Variants in ZNF831 observed in about 807,000 individuals in gnomAD.
The protein encoded by ZNF831 is chromosome 20 open reading frame 174.
A neutral mutation model predicts 95.8 loss-of-function variants in ZNF831; 59 were observed. That is an observed-to-expected ratio of 0.62 (90% confidence interval 0.50 to 0.77). ZNF831 has a LOEUF of 0.77. Among genes scored for constraint, ZNF831 ranks in the 30% least tolerant of loss-of-function variants. ZNF831 has a pLI of 0.00. For missense variants in ZNF831, 2,205 were observed against 2,164.0 expected, an observed-to-expected ratio of 1.02 and a Z score of -0.38; for synonymous variants, 961 against 925.5, an observed-to-expected ratio of 1.04 and a Z score of -0.70.
intron 4 of ZNF831, among the ~76,000 whole-genome samples, chr20:59,221,475 C>T (rs1311589143): frequency 6.6e-6 from 1 of 152,218 alleles, no homozygotes; most frequent in Non-Finnish European, 1.5e-5. Context: ...CCTCACCCCA[C>T]TGCTGGCTGC....
chr20:59,137,872 C>A (rs1013588078), intron 1 of ZNF831, among the ~76,000 whole-genome samples: 8 of 152,152 alleles, frequency 5.3e-5, no homozygotes, highest in African/African-American at 1.9e-4. Context: ...CTGCACCCAC[C>A]CCCCAATTCC....
chr20:59,217,668 C>T lies in ZNF831; in HGVS notation c.4027+10612C>T, dbSNP rs1002222791. 2.0e-5 allele frequency among the ~76,000 whole-genome samples: 3 copies of T among 152,154 alleles called. No individual in the cohort carries two copies. Among genetic ancestry groups the T allele is most frequent in the African/African-American group, 7.2e-5 (3 of 41,442 alleles). Reference sequence around the variant, plus strand: ...ATGCCTGTGGATGGGAGGGCCTTTCCAGCCCTCCTTGATTCTCACTAGGGG... The same window carrying T: ...ATGCCTGTGGATGGGAGGGCCTTTCTAGCCCTCCTTGATTCTCACTAGGGG... On this transcript the variant is annotated intron_variant, in intron 4 of 5. Coordinates refer to ENST00000371030, the MANE Select transcript of ZNF831 (RefSeq NM_178457.3). This position sits in a 1 kb window ranked among gnomAD's most constrained non-coding sequence, Gnocchi z 4.4.
At position 59,187,166 on chromosome 20, in the gene ZNF831, A is replaced by G. The variant is rs544398644; in HGVS notation, c.-36-3818A>G. 2.6e-5 allele frequency among the ~76,000 whole-genome samples: 4 copies of G among 152,260 alleles called. No individual in the cohort carries two copies. In the South Asian group the frequency reaches 8.3e-4, roughly 32 times the overall value. On this transcript the variant is annotated intron_variant, in intron 1 of 5. Transcript: ENST00000371030. ...GAATGGAAGATGCCATAGAATCCTT[A>G]GCAGTGGTGAGCTCTGAGTATGTAG... is the stretch of plus-strand genomic sequence containing the variant.
At chr20:59,161,882 A>G (rs1453880784), upstream of ZNF831, among the ~76,000 whole-genome samples, 3 of 152,142 alleles carry the variant, frequency 2.0e-5, no homozygotes, top group Non-Finnish European at 4.4e-5. Context: ...CCCACCAACA[A>G]TGTGTGAGTG....
At chr20:59,249,209 A>G (rs754916999) in intron 4 of ZNF831, among the ~76,000 whole-genome samples, 15 of 152,112 alleles carry the variant, frequency 9.9e-5, no homozygotes, top group Admixed American at 2.6e-4. Context: ...TTCCTTGACT[A>G]TATAAAACAG....
In ZNF831 at chr20:59,254,566, A is replaced by T. The variant is rs532282319; in HGVS notation, c.4857A>T (p.Gly1619=). ...GSDGRKRQVS[G]LITRKDSVVP... Reference sequence around the variant, plus strand: ...ACGGTAGGAAACGTCAGGTATCTGGATTAATCACTCGGAAAGATTCTGTGG... The same window carrying T: ...ACGGTAGGAAACGTCAGGTATCTGGTTTAATCACTCGGAAAGATTCTGTGG... Residue 1619 remains glycine (G), a synonymous_variant, in exon 6 of 6, where the codon GGA becomes GGT. Transcript: ENST00000371030. The surrounding 1 kb of genome is among the most constrained non-coding windows in gnomAD (Gnocchi z 4.5). 4 of 1,614,060 alleles carry T rather than the reference A, an allele frequency of 2.5e-6. No individual in the cohort carries two copies. The highest frequency in any genetic ancestry group is 3.4e-6 in the Non-Finnish European group (4 of 1,180,040).
chr20:59,206,318 A>G (rs1033486665), intron 3 of ZNF831, among the ~76,000 whole-genome samples: 1 of 151,234 alleles, frequency 6.6e-6, no homozygotes, highest in African/African-American at 2.4e-5. Context: ...ATTTGAAGAA[A>G]ATTTATTTGA....
chr20:59,257,834 T>TA lies in ZNF831; in HGVS notation c.*3091_*3092insA, dbSNP rs1988253258. On this transcript the variant is annotated 3_prime_UTR_variant, in exon 6 of 6. Transcript: ENST00000371030. ...CATGAACTAAGGGAAGGGCACTGAATTTTTTTTTGCCAATATCAAAAGTGA... is the reference window on the plus strand; with the variant it reads ...CATGAACTAAGGGAAGGGCACTGAATATTTTTTTTGCCAATATCAAAAGTGA... The TA allele has an allele frequency of 6.6e-6, 1 of 151,578 alleles. No individual in the cohort carries two copies. The highest frequency in any genetic ancestry group is 2.4e-5 in the African/African-American group (1 of 41,272). 9.4% of individuals were successfully genotyped at this position (151,578 alleles called of 1,614,324 possible). A position where few individuals can be genotyped will look rare whatever the true frequency, so the allele number is the denominator to read the frequency against.
intron 1 of ZNF831, among the ~76,000 whole-genome samples, chr20:59,189,180 C>CA (rs549960207): frequency 0.015 from 2,114 of 144,060 alleles, 27 homozygotes; most frequent in African/African-American, 0.03. Flanking sequence ...GACGCCATCT[C>CA]AAAAAAAAAA....
chr20:59,192,493 C>T lies in ZNF831; in HGVS notation c.1474C>T (p.Leu492Phe), dbSNP rs1431823024. 1 of 1,565,334 alleles carries T rather than the reference C, an allele frequency of 6.4e-7. No homozygotes were observed. Among genetic ancestry groups the T allele is most frequent in the African/African-American group, 1.4e-5 (1 of 73,464 alleles). ...CTTCTTCCACTCCGTCCCCACTCAG[C>T]TCTCCACCACCGTGGAATGTGTCCC... ...PLFFHSVPTQ[L>F]STTVECVPVT... The change falls in exon 2 of 6, where the codon CTC becomes TTC. Residue 492 changes from leucine (L) to phenylalanine (F), a missense_variant. Transcript: ENST00000371030. The surrounding 1 kb of genome is among the most constrained non-coding windows in gnomAD (Gnocchi z 5.2).
At chr20:59,151,820 C>T (rs115842544) in intron 2 of ZNF831, among the ~76,000 whole-genome samples, 57 of 152,324 alleles carry the variant, frequency 3.7e-4, no homozygotes, top group African/African-American at 1.3e-3. Context: ...CACGAGGGAA[C>T]GCTGAACCTT....
chr20:59,194,727 T>C lies in ZNF831; in HGVS notation c.3708T>C (p.Pro1236=). The change falls in exon 2 of 6, where the codon CCT becomes CCC. Residue 1236 remains proline (P), a synonymous_variant. Transcript: ENST00000371030. The part of the protein sequence containing the change: ...GSNGGWTWTS[P]GEGGPAQMSK... ...ATGGAGGATGGACCTGGACAAGCCCTGGAGAAGGAGGGCCGGCGCAGATGT... is the reference window on the plus strand; with the variant it reads ...ATGGAGGATGGACCTGGACAAGCCCCGGAGAAGGAGGGCCGGCGCAGATGT... The C allele has an allele frequency of 6.3e-7, 1 of 1,582,820 alleles. No homozygotes were observed. The highest frequency in any genetic ancestry group is 1.2e-5 in the South Asian group (1 of 86,162).
intron 2 of ZNF831, among the ~76,000 whole-genome samples, chr20:59,147,629 C>T (rs757912788): frequency 6.6e-6 from 1 of 152,208 alleles, no homozygotes; most frequent in Non-Finnish European, 1.5e-5. Context: ...AGCTCTCCTA[C>T]CACAAGGAAG....
intron 2 of ZNF831, among the ~76,000 whole-genome samples, chr20:59,148,655 G>A (rs1980026483): frequency 8.5e-6 from 1 of 117,726 alleles, no homozygotes; most frequent in Non-Finnish European, 1.6e-5. Flanking sequence ...ACTCCAGCCT[G>A]GGCGACAGAG....
intron 1 of ZNF831, among the ~76,000 whole-genome samples, chr20:59,187,125 G>A (rs1983114052): frequency 6.6e-6 from 1 of 152,126 alleles, no homozygotes; most frequent in Non-Finnish European, 1.5e-5. Context: ...CACATAAATG[G>A]CCCCAAGATC....
intron 1 of ZNF831, among the ~76,000 whole-genome samples, chr20:59,184,088 C>G (rs1220259322): frequency 6.6e-6 from 1 of 152,170 alleles, no homozygotes; most frequent in African/African-American, 2.4e-5. Context: ...CATAGTTTTG[C>G]CTTTTCCAGA....
intron 1 of ZNF831, among the ~76,000 whole-genome samples, chr20:59,185,314 T>C (rs1446257540): frequency 6.6e-6 from 1 of 152,184 alleles, no homozygotes; most frequent in East Asian, 1.9e-4. Flanking sequence ...AATTTCGCAG[T>C]GATCACAGAA....
Position 59,206,971 on chromosome 20 carries a change from G to T in ZNF831, c.3942G>T (p.Trp1314Cys). The change falls in exon 4 of 6, where the codon TGG becomes TGT. Residue 1314 changes from tryptophan (W) to cysteine (C), a missense_variant. By Grantham distance (215) the Trp-to-Cys change is radical. Coordinates refer to ENST00000371030, the MANE Select transcript of ZNF831 (RefSeq NM_178457.3). ...LRASRLRTPT[W>C]VRRRSRHPPA... ...CCAGTAGACTTCGCACACCAACCTG[G>T]GTGCGAAGAAGAAGCCGCCACCCTC... 6.2e-7 allele frequency: 1 copy of T among 1,614,188 alleles called. No individual in the cohort carries two copies. Among genetic ancestry groups the T allele is most frequent in the Non-Finnish European group, 8.5e-7 (1 of 1,180,028 alleles).
intron 1 of ZNF831, among the ~76,000 whole-genome samples, chr20:59,172,369 A>G (rs1432938236): frequency 6.6e-6 from 1 of 152,168 alleles, no homozygotes; most frequent in Non-Finnish European, 1.5e-5. Flanking sequence ...CCCAACAACC[A>G]CAGTGAAATG....
Sources: gnomAD v4.1 joint callset for allele counts (sites outside exome capture counted in the v4.1 genomes callset) on GRCh38, gnomAD v4.1.1 for gene constraint, Gnocchi (gnomAD v3.1) non-coding constraint, MANE v1.5 for transcripts, NCBI Gene and HGNC (gene_info 2026-07-23, HGNC 2026-07-21) for gene names.